Variants in SOX6 observed in about 807,000 individuals in gnomAD.
The protein encoded by SOX6 is SRY-box transcription factor 6.
A neutral mutation model predicts 97.8 loss-of-function variants in SOX6; 11 were observed. The ratio of observed to expected loss-of-function variants is 0.11; its 90% CI spans 0.07 to 0.19. SOX6 has a LOEUF of 0.19. SOX6 is among the 10% of genes least tolerant of loss of function. The pLI, the probability that SOX6 is intolerant of heterozygous loss-of-function variation, is 1.00. For synonymous variants in SOX6, 360 were observed against 371.4 expected, an observed-to-expected ratio of 0.97 and a Z score of 0.35; for missense variants, 810 against 1,039.5, an observed-to-expected ratio of 0.78 and a Z score of 3.04.
At chr11:16,694,220 A>G (rs1380986816) in intron 3 of SOX6, among the ~76,000 whole-genome samples, 1 of 152,204 alleles carries the variant, frequency 6.6e-6, no homozygotes, top group Non-Finnish European at 1.5e-5. Flanking sequence ...ATGCATGCCA[A>G]TCCTTTAAAA....
intron 4 of SOX6, among the ~76,000 whole-genome samples, chr11:16,571,684 C>T (rs1847940535): frequency 1.3e-5 from 2 of 152,156 alleles, no homozygotes; most frequent in South Asian, 4.1e-4. Context: ...CAGAGTCTTG[C>T]TCTGTCACCC....
intron 4 of SOX6, among the ~76,000 whole-genome samples, chr11:16,212,127 G>C (rs899629329): frequency 6.6e-6 from 1 of 152,150 alleles, no homozygotes; most frequent in African/African-American, 2.4e-5. Context: ...CAGATACACT[G>C]TAAACAGATA....
intron 3 of SOX6, among the ~76,000 whole-genome samples, chr11:16,625,687 A>G (rs1848614327): frequency 6.6e-6 from 1 of 152,200 alleles, no homozygotes; most frequent in Non-Finnish European, 1.5e-5. Flanking sequence ...TTAATAGTTC[A>G]TCATGCCTAT....
chr11:16,147,593 T>C (rs1850344836), intron 6 of SOX6, among the ~76,000 whole-genome samples: 1 of 152,132 alleles, frequency 6.6e-6, no homozygotes, highest in Non-Finnish European at 1.5e-5. Flanking sequence ...TAGTTAAGCA[T>C]AGCACTATCA....
chr11:16,553,197 G>A lies in SOX6; in HGVS notation n.609+58884C>T, dbSNP rs553958021. Among the ~76,000 whole-genome samples the A allele has an allele frequency of 2.6e-5, 4 of 152,288 alleles. No homozygotes were observed. The East Asian group carries it at 7.7e-4, about 29-fold the overall frequency. On this transcript the variant is annotated intron_variant and non_coding_transcript_variant, in intron 4 of 5. Transcript: ENST00000524520. ...GAAGTTCTTGGCTTTGGCTAGGAAA[G>A]AACTTAAGGTTAAGTTAGTGGTGTT... is the stretch of plus-strand genomic sequence containing the variant.
At chr11:16,525,419 G>A (rs1243285411) in intron 4 of SOX6, among the ~76,000 whole-genome samples, 46 of 152,014 alleles carry the variant, frequency 3.0e-4, no homozygotes, top group African/African-American at 1.1e-3. Context: ...TGGGAAAACT[G>A]GCTAGCCATA....
At chr11:15,974,810 A>G (rs1048186999) in intron 15 of SOX6, among the ~76,000 whole-genome samples, 2 of 152,134 alleles carry the variant, frequency 1.3e-5, no homozygotes, top group Non-Finnish European at 2.9e-5. Flanking sequence ...GGCACATCAT[A>G]TCCCTAACAT....
intron 3 of SOX6, among the ~76,000 whole-genome samples, chr11:16,288,681 C>T (rs919984519): frequency 6.6e-6 from 1 of 151,720 alleles, no homozygotes; most frequent in African/African-American, 2.4e-5. Context: ...AATGACATAC[C>T]AGATAGTGAA....
intron 2 of SOX6, among the ~76,000 whole-genome samples, chr11:16,319,844 CT>C (rs11432524): frequency 0.11 from 15,521 of 146,770 alleles, 973 homozygotes; most frequent in East Asian, 0.32. Flanking sequence ...TTATAAACGT[CT>C]TTTTTTTTTT....
chr11:16,014,904 A>T lies in SOX6; in HGVS notation c.1732+38T>A, dbSNP rs776262625. 1.6e-5 allele frequency: 25 copies of T among 1,568,618 alleles called. 1 individual carries two copies. In the East Asian group the frequency reaches 5.6e-4, roughly 35 times the overall value. ...AGCTCAGACACACATTTGGAAACACATGGAGCAGCAGAAAAGAACTAGAGA... is the reference window on the plus strand; with the variant it reads ...AGCTCAGACACACATTTGGAAACACTTGGAGCAGCAGAAAAGAACTAGAGA... On this transcript the variant is annotated intron_variant, in intron 13 of 15. Transcript: ENST00000683767.
chr11:16,170,052 G>A (rs1390734897), intron 6 of SOX6, among the ~76,000 whole-genome samples: 1 of 152,014 alleles, frequency 6.6e-6, no homozygotes, highest in East Asian at 1.9e-4. Flanking sequence ...TTCCTCCTGT[G>A]TTGGTTCTTT....
intron 3 of SOX6, among the ~76,000 whole-genome samples, chr11:16,627,735 C>T (rs767057491): frequency 6.6e-6 from 1 of 152,158 alleles, no homozygotes; most frequent in Non-Finnish European, 1.5e-5. Flanking sequence ...TATTTTCTCC[C>T]ATTCTGTGGG....
chr11:16,334,939 A>G (rs946306928), intron 2 of SOX6, among the ~76,000 whole-genome samples: 3 of 152,290 alleles, frequency 2.0e-5, no homozygotes, highest in Admixed American at 6.5e-5. Flanking sequence ...TTAAAAATAC[A>G]TACTTTTTCT....
At chr11:16,467,926 A>C (rs544463831) in intron 1 of SOX6, among the ~76,000 whole-genome samples, 3 of 152,336 alleles carry the variant, frequency 2.0e-5, no homozygotes, top group Admixed American at 2.0e-4. Context: ...AGCTTAAATA[A>C]TGGCTTTATT....
At chr11:16,403,585 A>T (rs1051576299) in intron 1 of SOX6, among the ~76,000 whole-genome samples, 8 of 151,768 alleles carry the variant, frequency 5.3e-5, no homozygotes, top group Non-Finnish European at 1.2e-4. Flanking sequence ...ATTTGTAGAG[A>T]GCCCTGTTAC....
At chr11:16,015,579 T>G (rs1033163575) in intron 12 of SOX6, among the ~76,000 whole-genome samples, 1 of 152,010 alleles carries the variant, frequency 6.6e-6, no homozygotes, top group African/African-American at 2.4e-5. Flanking sequence ...GAATTTCAAC[T>G]GTGATTTTCT....
intron 9 of SOX6, among the ~76,000 whole-genome samples, chr11:16,091,262 A>C (rs77348652): frequency 0.011 from 1,620 of 152,200 alleles, 26 homozygotes; most frequent in African/African-American, 0.037. Context: ...GCATCCTCAA[A>C]ACAAGCTTTG....
chr11:16,343,266 T>A (rs551035891), intron 1 of SOX6, among the ~76,000 whole-genome samples: 2 of 152,102 alleles, frequency 1.3e-5, no homozygotes, highest in Admixed American at 1.3e-4. Context: ...ATCATTCACA[T>A]TAAAAACAAA....
At chr11:16,479,768 T>A (rs567412753), upstream of SOX6, among the ~76,000 whole-genome samples, 533 of 152,292 alleles carry the variant, frequency 3.5e-3, 1 homozygote, top group Non-Finnish European at 5.8e-3. Context: ...GATGGGATTA[T>A]AAATGTATGA....
Sources: allele counts gnomAD v4.1 joint callset (sites outside exome capture counted in the v4.1 genomes callset), GRCh38; gene constraint gnomAD v4.1.1; transcripts MANE v1.5; gene names NCBI Gene and HGNC (gene_info 2026-07-23, HGNC 2026-07-21).